The following JAK1 variants were observed in gnomAD, a reference collection of about 807,000 sequenced individuals.
JAK1 encodes the protein Janus kinase 1.
A neutral mutation model predicts 136.6 loss-of-function variants in JAK1; 16 were observed. The observed-to-expected ratio is 0.12, with a 90% CI of 0.08 to 0.18. The LOEUF is 0.18. Ranked by LOEUF, JAK1 falls within the 10% of genes least tolerant of loss-of-function variation. The probability of loss-of-function intolerance (pLI) is 1.00; values close to 1 mark genes in which losing one functional copy is unlikely to be tolerated. For synonymous variants in JAK1, 492 were observed against 519.5 expected (o/e 0.95, Z 0.72); for missense variants, 859 against 1,450.1 (o/e 0.59, Z 6.62).
intron 7 of JAK1, among the ~76,000 whole-genome samples, chr1:64,865,465 A>G (rs1457363987): frequency 6.6e-6 from 1 of 152,168 alleles, no homozygotes; most frequent in East Asian, 1.9e-4. Flanking sequence ...TAATCTACAC[A>G]CTGAATAATA....
At chr1:64,982,709 C>A (rs985239576) in intron 2 of JAK1, among the ~76,000 whole-genome samples, 1 of 152,070 alleles carries the variant, frequency 6.6e-6, no homozygotes, top group African/African-American at 2.4e-5. Flanking sequence ...GTGAGTAGTA[C>A]ATTACTACTT....
chr1:64,841,638 A>C, intron 17 of JAK1, 37 bp from the exon 18 acceptor site: 1 of 1,610,804 alleles, frequency 6.2e-7, no homozygotes, highest in Non-Finnish European at 8.5e-7. Context: ...AAACCAAAGG[A>C]ACCACCTACA....
intron 1 of JAK1, among the ~76,000 whole-genome samples, chr1:64,890,248 A>AT (rs59278279): frequency 0.25 from 37,787 of 148,658 alleles, 5,437 homozygotes; most frequent in African/African-American, 0.39. Flanking sequence ...GAAGATCAGG[A>AT]TTTTTTTTTT....
intron 8 of JAK1, 89 bp from the exon 9 acceptor site, chr1:64,860,351 T>C: frequency 9.3e-7 from 1 of 1,080,056 alleles, no homozygotes; most frequent in Non-Finnish European, 1.3e-6. Context: ...AGTGAGAAGA[T>C]TTTTATAACC....
At chr1:64,879,322 T>C (rs1424372706) in intron 3 of JAK1, among the ~76,000 whole-genome samples, 174 bp from the exon 4 acceptor site, 1 of 152,208 alleles carries the variant, frequency 6.6e-6, no homozygotes, top group Non-Finnish European at 1.5e-5. Context: ...GCTGTTTTGA[T>C]CATAATCATC....
At chr1:64,985,938 G>T in intron 2 of JAK1, 2 of 896,420 alleles carry the variant, frequency 2.2e-6, no homozygotes, top group Non-Finnish European at 1.8e-6. Context: ...CTCAGAGGGA[G>T]GGGTATTTGC....
At chr1:65,024,719 G>A (rs891543631) in intron 2 of JAK1, among the ~76,000 whole-genome samples, 4 of 150,244 alleles carry the variant, frequency 2.7e-5, no homozygotes, top group Non-Finnish European at 3.0e-5. Context: ...GCTCACACCT[G>A]TAACCCCAGC....
intron 1 of JAK1, among the ~76,000 whole-genome samples, chr1:64,945,792 G>T (rs1414249706): frequency 6.6e-6 from 1 of 151,268 alleles, no homozygotes; most frequent in Non-Finnish European, 1.5e-5. Context: ...GCAGTGGTGT[G>T]ATCTCAGCTC....
chr1:64,887,774 G>C (rs1249736695), intron 1 of JAK1, among the ~76,000 whole-genome samples: 1 of 152,198 alleles, frequency 6.6e-6, no homozygotes, highest in Non-Finnish European at 1.5e-5. Flanking sequence ...AAGCCAAAAC[G>C]GAGATAGCAG....
Position 65,028,219 on chromosome 1 carries a change from T to C in JAK1, c.-78+16261A>G, listed in dbSNP as rs566765913. On this transcript the variant is annotated intron_variant, in intron 2 of 25. Coordinates refer to the JAK1 transcript ENST00000671954. Reference sequence around the variant, plus strand: ...CATGTGTTGTCTCATCAGTGAGTCCTTCCCTGACTAATTAAAATAGCAATC... The same window carrying C: ...CATGTGTTGTCTCATCAGTGAGTCCCTCCCTGACTAATTAAAATAGCAATC... Among the ~76,000 whole-genome samples the C allele has an allele frequency of 1.2e-4, 19 of 152,252 alleles. 1 individual carries two copies. In the East Asian group the frequency reaches 3.7e-3, roughly 29 times the overall value.
chr1:65,035,823 C>T (rs1490351546), intron 2 of JAK1, among the ~76,000 whole-genome samples: 1 of 152,170 alleles, frequency 6.6e-6, no homozygotes, highest in Non-Finnish European at 1.5e-5. Flanking sequence ...AATCCCAGCA[C>T]TTTGGGAGGC....
At chr1:65,032,339 G>C (rs1307067184) in intron 2 of JAK1, among the ~76,000 whole-genome samples, 1 of 152,184 alleles carries the variant, frequency 6.6e-6, no homozygotes, top group African/African-American at 2.4e-5. Context: ...AGAATGCACA[G>C]TGCTAATTTC....
At chr1:64,985,678 TG>T in intron 2 of JAK1, 1 of 723,888 alleles carries the variant, frequency 1.4e-6, no homozygotes, top group Non-Finnish European at 2.5e-6. Context: ...CCGATGTACG[TG>T]GGCACAAAAC....
chr1:64,872,796 C>T (rs142415308), intron 5 of JAK1, among the ~76,000 whole-genome samples: 364 of 152,186 alleles, frequency 2.4e-3, no homozygotes, highest in Non-Finnish European at 4.3e-3. Context: ...ACAAAATGAA[C>T]CATAAAATAT....
chr1:64,903,686 C>T (rs1173569052), intron 1 of JAK1, among the ~76,000 whole-genome samples: 3 of 152,170 alleles, frequency 2.0e-5, no homozygotes, highest in Non-Finnish European at 4.4e-5. Flanking sequence ...ATACTAGCTC[C>T]AATCTCTTAG....
chr1:64,943,108 T>C (rs940634688), intron 1 of JAK1, among the ~76,000 whole-genome samples: 1 of 152,236 alleles, frequency 6.6e-6, no homozygotes, highest in African/African-American at 2.4e-5. Context: ...TTCCTAATTC[T>C]TCCAAAAGAC....
At chr1:64,973,200 A>AAAGG (rs963316537) in intron 2 of JAK1, 2 of 149,874 alleles carry the variant, frequency 1.3e-5, no homozygotes, top group African/African-American at 4.9e-5. Context: ...AGAAAGAAAG[A>AAAGG]AAGGAAAAGA....
At chr1:64,960,642 C>T (rs1345445971) in intron 1 of JAK1, among the ~76,000 whole-genome samples, 3 of 152,168 alleles carry the variant, frequency 2.0e-5, no homozygotes, top group Non-Finnish European at 4.4e-5. Flanking sequence ...AAGTAATCTT[C>T]CCTGAGTTAA....
intron 1 of JAK1, among the ~76,000 whole-genome samples, chr1:64,964,843 C>G (rs1646344256): frequency 6.6e-6 from 1 of 152,178 alleles, no homozygotes; most frequent in East Asian, 1.9e-4. Flanking sequence ...GACATTTTCT[C>G]CACATTACAA....
Sources: gnomAD v4.1 joint callset for allele counts (sites outside exome capture counted in the v4.1 genomes callset) on GRCh38, gnomAD v4.1.1 for gene constraint, MANE v1.5 for transcripts, NCBI Gene and HGNC (gene_info 2026-07-23, HGNC 2026-07-21) for gene names.